CLMP: variants seen among roughly 807,000 people sequenced by gnomAD.
CLMP encodes CXADR like cell adhesion molecule.
Under a neutral mutation model 45.2 loss-of-function variants are expected in CLMP, and 27 were observed. The ratio of observed to expected loss-of-function variants is 0.60; its 90% CI spans 0.44 to 0.82. CLMP has a LOEUF of 0.82. Ranked by LOEUF, CLMP falls within the 40% of genes least tolerant of loss-of-function variation. The pLI, the probability that CLMP is intolerant of heterozygous loss-of-function variation, is 0.00. For synonymous variants in CLMP, 167 were observed against 171.4 expected (o/e 0.97, Z 0.20); for missense variants, 403 against 448.4 (o/e 0.90, Z 0.91).
chr11:123,189,491 A>C (rs781544765), intron 1 of CLMP, among the ~76,000 whole-genome samples: 2 of 152,218 alleles, frequency 1.3e-5, no homozygotes, highest in African/African-American at 2.4e-5. Flanking sequence ...GTATGTTAAT[A>C]TACTTCGTAA....
At chr11:123,150,478 A>G (rs750470689) in intron 1 of CLMP, among the ~76,000 whole-genome samples, 10 of 103,750 alleles carry the variant, frequency 9.6e-5, no homozygotes, top group African/African-American at 3.3e-4. Context: ...AAAGAAAGAA[A>G]GAAAGGAAGG....
At chr11:123,083,247 A>G in intron 4 of CLMP, 40 bp from the exon 5 acceptor site, 1 of 1,591,072 alleles carries the variant, frequency 6.3e-7, no homozygotes, top group South Asian at 1.1e-5. Context: ...CCCTTTAGTG[A>G]TGGTATCTAT....
In CLMP at chr11:123,085,820, G is replaced by T. The variant is rs1375069622; in HGVS notation, c.187-1107C>A. On this transcript the variant is annotated intron_variant, in intron 2 of 6. Coordinates refer to ENST00000448775, the MANE Select transcript of CLMP (RefSeq NM_024769.5). The stretch of plus-strand genomic sequence containing the variant: ...AGATAGAGTCTCACTCTTGTCGCCC[G>T]GTCTGGAGTACAATGGTGCGATCCT... 5.5e-5 allele frequency among the ~76,000 whole-genome samples: 8 copies of T among 146,472 alleles called. 1 individual carries two copies. The highest frequency in any genetic ancestry group is 2.8e-4 in the Admixed American group (4 of 14,328).
At chr11:123,107,782 C>T (rs1446511723) in intron 1 of CLMP, among the ~76,000 whole-genome samples, 4 of 150,332 alleles carry the variant, frequency 2.7e-5, no homozygotes, top group East Asian at 2.0e-4. Flanking sequence ...TATATTTGCT[C>T]GCTTTTGTGT....
At chr11:123,130,288 G>A (rs1261648419) in intron 1 of CLMP, among the ~76,000 whole-genome samples, 3 of 152,158 alleles carry the variant, frequency 2.0e-5, no homozygotes, top group Admixed American at 6.6e-5. Flanking sequence ...TTTCGTGGAT[G>A]AAGATCACTT....
At position 123,111,539 on chromosome 11, in the gene CLMP, C is replaced by T. The variant is rs577212860; in HGVS notation, c.29-13587G>A. ...TGAAAAGAACTGGCCCATCCAACTA[C>T]AGCATTTCTTTCCTTTCTGTTGCTC... On this transcript the variant is annotated intron_variant, in intron 1 of 6. Transcript: ENST00000448775. 1.2e-4 allele frequency among the ~76,000 whole-genome samples: 18 copies of T among 152,360 alleles called. No individual in the cohort carries two copies. In the South Asian group the frequency reaches 3.7e-3, roughly 32 times the overall value.
At chr11:123,172,921 C>T (rs1449655765) in intron 1 of CLMP, among the ~76,000 whole-genome samples, 1 of 152,174 alleles carries the variant, frequency 6.6e-6, no homozygotes, top group African/African-American at 2.4e-5. Context: ...GAGGTTTGTG[C>T]TGTTTGCACC....
chr11:123,186,622 G>A (rs1195087870), intron 1 of CLMP, among the ~76,000 whole-genome samples: 4 of 151,774 alleles, frequency 2.6e-5, no homozygotes, highest in Admixed American at 6.6e-5. Flanking sequence ...TCCCAGGTTT[G>A]AATGATTCTC....
intron 1 of CLMP, among the ~76,000 whole-genome samples, chr11:123,140,693 T>C (rs1308725881): frequency 6.6e-6 from 1 of 152,132 alleles, no homozygotes; most frequent in East Asian, 1.9e-4. Flanking sequence ...GGGAATTCCT[T>C]GCTGTGGGAG....
chr11:123,073,727 G>A lies in CLMP; in HGVS notation c.869C>T (p.Ser290Phe), dbSNP rs1865701964. 6.2e-7 allele frequency: 1 copy of A among 1,612,554 alleles called. No individual in the cohort carries two copies. The highest frequency in any genetic ancestry group is 8.5e-7 in the Non-Finnish European group (1 of 1,179,294). Reference sequence around the variant, plus strand: ...GCGTGAGCTCCGAGAGCCTGAGGAAGAGGAGCTGGGTTTCACAAGACGGGC... The same window carrying A: ...GCGTGAGCTCCGAGAGCCTGAGGAAAAGGAGCTGGGTTTCACAAGACGGGC... ...PKARLVKPSSSSSGSRSSRSG... is the reference protein window; with the variant it reads ...PKARLVKPSSFSSGSRSSRSG... The change falls in exon 7 of 7, where the codon TCT (serine) becomes TTT (phenylalanine). Residue 290 changes from serine to phenylalanine, a missense_variant. Transcript: ENST00000448775.
chr11:123,094,402 C>A (rs550361163), intron 2 of CLMP, among the ~76,000 whole-genome samples: 1 of 152,072 alleles, frequency 6.6e-6, no homozygotes, highest in African/African-American at 2.4e-5. Flanking sequence ...CCACTGTGCC[C>A]GCCCGGCCCA....
intron 1 of CLMP, among the ~76,000 whole-genome samples, chr11:123,122,459 G>A (rs1860833193): frequency 6.6e-6 from 1 of 152,140 alleles, no homozygotes; most frequent in Non-Finnish European, 1.5e-5. Flanking sequence ...TCTAACCCTG[G>A]GACAGATAGG....
intron 1 of CLMP, among the ~76,000 whole-genome samples, chr11:123,156,706 G>T (rs768098671): frequency 6.6e-6 from 1 of 152,204 alleles, no homozygotes; most frequent in African/African-American, 2.4e-5. Context: ...TATACAAAAA[G>T]GTGGAGAAAT....
chr11:123,149,501 A>G (rs993940673), intron 1 of CLMP, among the ~76,000 whole-genome samples: 3 of 152,178 alleles, frequency 2.0e-5, no homozygotes, highest in Non-Finnish European at 2.9e-5. Context: ...CTTGGAGTTG[A>G]CTTCATTTCA....
At chr11:123,091,604 C>A (rs767656067) in intron 2 of CLMP, among the ~76,000 whole-genome samples, 1 of 152,176 alleles carries the variant, frequency 6.6e-6, no homozygotes, top group Non-Finnish European at 1.5e-5. Flanking sequence ...AGCCTATGCA[C>A]GTCTCCTACT....
chr11:123,187,746 G>A (rs1033744552), intron 1 of CLMP, among the ~76,000 whole-genome samples: 13 of 152,136 alleles, frequency 8.5e-5, no homozygotes, highest in Non-Finnish European at 1.5e-4. Context: ...GTCACTGGCA[G>A]GTTGTGATGA....
chr11:123,136,852 G>A (rs1861080294), intron 1 of CLMP, among the ~76,000 whole-genome samples: 1 of 151,800 alleles, frequency 6.6e-6, no homozygotes, highest in South Asian at 2.1e-4. Context: ...GCAGGTGTGA[G>A]CCACGACGCC....
intron 1 of CLMP, among the ~76,000 whole-genome samples, chr11:123,145,938 G>A (rs535995613): frequency 2.0e-5 from 3 of 152,186 alleles, no homozygotes; most frequent in Non-Finnish European, 4.4e-5. Flanking sequence ...TCCCTGGAGG[G>A]GAAGGCCCAT....
intron 1 of CLMP, among the ~76,000 whole-genome samples, chr11:123,118,725 C>T (rs960641395): frequency 1.3e-5 from 2 of 152,114 alleles, no homozygotes; most frequent in African/African-American, 4.8e-5. Context: ...CGCGTCTCAG[C>T]AAGGGAGGAT....
Sources: gnomAD v4.1 joint callset for allele counts (sites outside exome capture counted in the v4.1 genomes callset) on GRCh38, gnomAD v4.1.1 for gene constraint, MANE v1.5 for transcripts, NCBI Gene and HGNC (gene_info 2026-07-23, HGNC 2026-07-21) for gene names.